SGCZ: variants seen among roughly 807,000 people sequenced by gnomAD.
SGCZ encodes zeta-sarcoglycan.
In SGCZ, 40 loss-of-function variants were observed where a neutral mutation model predicts 41.3. That is an observed-to-expected ratio of 0.97 (90% CI 0.75 to 1.26). The LOEUF (loss-of-function observed/expected upper bound fraction) is 1.26, where lower values mean the gene tolerates loss of function less well. SGCZ is among the 50% of genes most tolerant of loss of function. The pLI, the probability that SGCZ is intolerant of heterozygous loss-of-function variation, is 0.00. For missense variants in SGCZ, 552 were observed against 369.8 expected, an observed-to-expected ratio of 1.49 and a Z score of -4.04; for synonymous variants, 206 against 137.5, an observed-to-expected ratio of 1.50 and a Z score of -3.49.
At chr8:14,524,095 T>C (rs964965301) in intron 2 of SGCZ, among the ~76,000 whole-genome samples, 1 of 152,158 alleles carries the variant, frequency 6.6e-6, no homozygotes, top group Non-Finnish European at 1.5e-5. Context: ...TATCTAGTGA[T>C]TATTTTACAT....
At chr8:14,240,190 T>C (rs894951748) in intron 3 of SGCZ, among the ~76,000 whole-genome samples, 10 of 151,502 alleles carry the variant, frequency 6.6e-5, no homozygotes, top group Non-Finnish European at 1.3e-4. Flanking sequence ...TAGCCAGGCA[T>C]GGTGGTGGGC....
chr8:14,446,665 G>C (rs1800441004), intron 2 of SGCZ, among the ~76,000 whole-genome samples: 1 of 152,046 alleles, frequency 6.6e-6, no homozygotes, highest in Non-Finnish European at 1.5e-5. Flanking sequence ...TAAAAATCCT[G>C]TATAAGGTTT....
intron 5 of SGCZ, among the ~76,000 whole-genome samples, chr8:14,116,903 G>A (rs1802540498): frequency 6.6e-6 from 1 of 152,016 alleles, no homozygotes; most frequent in Admixed American, 6.6e-5. Context: ...TGATTACTGT[G>A]AACACTGTAT....
At chr8:15,171,807 C>A (rs554505826) in intron 1 of SGCZ, among the ~76,000 whole-genome samples, 1 of 152,258 alleles carries the variant, frequency 6.6e-6, no homozygotes, top group East Asian at 1.9e-4. Flanking sequence ...GTAGGGACAC[C>A]TAGTAAAACC....
chr8:14,916,465 A>ATGTT (rs1799442143), intron 1 of SGCZ, among the ~76,000 whole-genome samples: 2 of 152,230 alleles, frequency 1.3e-5, no homozygotes, highest in Non-Finnish European at 2.9e-5. Context: ...AGATATGATA[A>ATGTT]TGTGGTAGCT....
chr8:14,777,190 G>C (rs1333941501), intron 1 of SGCZ, among the ~76,000 whole-genome samples: 1 of 152,130 alleles, frequency 6.6e-6, no homozygotes, highest in Non-Finnish European at 1.5e-5. Flanking sequence ...CATCCTAAGA[G>C]AAACTAGGGC....
chr8:14,324,263 T>C, intron 2 of SGCZ, 59 bp from the exon 3 acceptor site: 1 of 1,254,646 alleles, frequency 8.0e-7, no homozygotes, highest in Non-Finnish European at 1.2e-6. Context: ...TATCTGGCCA[T>C]AATTTTCTTA....
intron 2 of SGCZ, among the ~76,000 whole-genome samples, chr8:14,430,400 T>C (rs1489819065): frequency 6.6e-6 from 1 of 151,982 alleles, no homozygotes; most frequent in Non-Finnish European, 1.5e-5. Context: ...CATATACAAG[T>C]CAATAAATGT....
At chr8:14,855,765 C>T (rs777270951) in intron 1 of SGCZ, among the ~76,000 whole-genome samples, 4 of 152,068 alleles carry the variant, frequency 2.6e-5, no homozygotes, top group Admixed American at 1.3e-4. Context: ...AGAACATGCC[C>T]GGTAACATAA....
chr8:15,166,201 G>A (rs972966590), intron 1 of SGCZ, among the ~76,000 whole-genome samples: 1 of 150,734 alleles, frequency 6.6e-6, no homozygotes, highest in Non-Finnish European at 1.5e-5. Context: ...ACATGTTCAG[G>A]TACATGGGAT....
At chr8:14,705,023 C>T (rs993310287) in intron 1 of SGCZ, among the ~76,000 whole-genome samples, 2 of 151,910 alleles carry the variant, frequency 1.3e-5, no homozygotes, top group African/African-American at 4.8e-5. Context: ...ATATTAATAG[C>T]CACCAAACCA....
intron 2 of SGCZ, among the ~76,000 whole-genome samples, chr8:14,528,312 G>T (rs138089660): frequency 6.6e-6 from 1 of 152,220 alleles, no homozygotes; most frequent in African/African-American, 2.4e-5. Flanking sequence ...ATATGAGAAA[G>T]CATGCGACGG....
At chr8:14,203,485 C>T (rs1438863996) in intron 4 of SGCZ, among the ~76,000 whole-genome samples, 1 of 152,086 alleles carries the variant, frequency 6.6e-6, no homozygotes, top group Non-Finnish European at 1.5e-5. Context: ...TAATCTCTCC[C>T]ACTCATATGT....
At chr8:14,681,741 C>T (rs1044964479) in intron 1 of SGCZ, among the ~76,000 whole-genome samples, 2 of 152,032 alleles carry the variant, frequency 1.3e-5, no homozygotes, top group African/African-American at 4.8e-5. Flanking sequence ...TTTCATCAAC[C>T]CTTCTTCTTG....
Position 14,309,713 on chromosome 8 carries a change from A to G in SGCZ, c.336+14390T>C. On this transcript the variant is annotated intron_variant, in intron 3 of 7. Transcript: ENST00000382080. ...GAGTATTCTCACAGGAGACTGAGTT[A>G]AGCAATCGAGATTTGGGAGCTGAAC... The G allele has an allele frequency of 1.9e-6, 3 of 1,608,122 alleles. No individual in the cohort carries two copies. In the South Asian group the frequency reaches 3.3e-5, roughly 18 times the overall value.
intron 3 of SGCZ, among the ~76,000 whole-genome samples, chr8:14,255,469 A>G (rs867013681): frequency 9.2e-5 from 14 of 152,150 alleles, no homozygotes. Context: ...ATGTAAAAAA[A>G]TTTCTTGAGG....
chr8:14,564,009 A>G (rs1213229035), intron 1 of SGCZ, among the ~76,000 whole-genome samples: 1 of 152,222 alleles, frequency 6.6e-6, no homozygotes, highest in Non-Finnish European at 1.5e-5. Flanking sequence ...CACTAATTTG[A>G]TTCCTTAAAA....
At chr8:14,821,496 G>C (rs1402941262) in intron 1 of SGCZ, among the ~76,000 whole-genome samples, 1 of 151,900 alleles carries the variant, frequency 6.6e-6, no homozygotes, top group East Asian at 1.9e-4. Flanking sequence ...TTCCAAAAAT[G>C]AATAAGGAAA....
At chr8:15,139,483 T>C (rs527882297) in intron 1 of SGCZ, among the ~76,000 whole-genome samples, 2 of 152,284 alleles carry the variant, frequency 1.3e-5, no homozygotes, top group South Asian at 2.1e-4. Flanking sequence ...ATTACTGCTA[T>C]TGCAATTGCA....
Sources: allele counts gnomAD v4.1 joint callset (sites outside exome capture counted in the v4.1 genomes callset), GRCh38; gene constraint gnomAD v4.1.1; transcripts MANE v1.5; gene names NCBI Gene and HGNC (gene_info 2026-07-23, HGNC 2026-07-21).